The following MBP variants were observed in gnomAD, a reference collection of about 807,000 sequenced individuals.
MBP encodes Golli-MBP.
A neutral mutation model predicts 35.8 loss-of-function variants in MBP; 16 were observed. That is an observed-to-expected ratio of 0.45 (90% CI 0.30 to 0.68). The LOEUF is 0.68. Among genes scored for constraint, MBP ranks in the 30% least tolerant of loss-of-function variants. MBP has a pLI of 0.08. For synonymous variants in MBP, 143 were observed against 159.6 expected (o/e 0.90, Z 0.78); for missense variants, 380 against 404.7 (o/e 0.94, Z 0.52).
rs147717512 is a variant in MBP at position 77,000,578 on chromosome 18, G to A, written c.577-10518C>T. The stretch of plus-strand genomic sequence containing the variant: ...TTTCCATTAGGCTGTTTGATTGCAT[G>A]ATTTTTGAAGAATTATTTTCCTCAA... On this transcript the variant is annotated intron_variant, in intron 4 of 8. Transcript: ENST00000355994. 6.9e-3 allele frequency among the ~76,000 whole-genome samples: 1,053 copies of A among 152,322 alleles called. 6 individuals are homozygous for A. Among genetic ancestry groups the A allele is most frequent in the Non-Finnish European group, 0.012 (804 of 68,026 alleles).
At chr18:77,019,029 TGTTCATCCATCCATCCATCC>T (rs1363614846) in intron 3 of MBP, among the ~76,000 whole-genome samples, 1 of 100,724 alleles carries the variant, frequency 9.9e-6, no homozygotes, top group Non-Finnish European at 1.9e-5. Context: ...TTTACCTACC[TGTTCATCCATCCATCCATCC>T]ATCCATCCAT....
At chr18:77,115,931 C>G (rs1976646754) in intron 1 of MBP, among the ~76,000 whole-genome samples, 1 of 151,358 alleles carries the variant, frequency 6.6e-6, no homozygotes, top group African/African-American at 2.4e-5. Flanking sequence ...TGTGGTCCCT[C>G]AGAAGACCTG....
At chr18:77,042,221 T>TG (rs1025643239) in intron 3 of MBP, among the ~76,000 whole-genome samples, 5 of 152,166 alleles carry the variant, frequency 3.3e-5, no homozygotes, top group African/African-American at 9.7e-5. Flanking sequence ...GGAAGTGGCA[T>TG]GCTCTCTTAT....
At chr18:77,095,079 A>G (rs868437686) in intron 2 of MBP, among the ~76,000 whole-genome samples, 1 of 152,196 alleles carries the variant, frequency 6.6e-6, no homozygotes, top group Admixed American at 6.5e-5. Context: ...AGATCGTCTA[A>G]TATTCTGCTA....
At chr18:77,040,787 G>A (rs1044589844) in intron 3 of MBP, among the ~76,000 whole-genome samples, 3 of 152,224 alleles carry the variant, frequency 2.0e-5, no homozygotes, top group African/African-American at 7.2e-5. Context: ...AATTCAAGAT[G>A]GATTAAAGAC....
intron 4 of MBP, chr18:77,005,617 TG>T (rs1193569794): frequency 2.0e-5 from 3 of 152,252 alleles, no homozygotes; most frequent in African/African-American, 7.2e-5. Context: ...CATTTCCTTC[TG>T]AGAATGGTGG....
At chr18:77,007,570 C>G (rs1422728487) in intron 4 of MBP, among the ~76,000 whole-genome samples, 1 of 152,242 alleles carries the variant, frequency 6.6e-6, no homozygotes, top group Non-Finnish European at 1.5e-5. Context: ...CCTGCCCAGG[C>G]TTTAGTTTCA....
intron 3 of MBP, among the ~76,000 whole-genome samples, chr18:77,053,984 C>T (rs1429329301): frequency 2.0e-5 from 3 of 152,228 alleles, no homozygotes; most frequent in Non-Finnish European, 4.4e-5. Context: ...TTCCTCTTGG[C>T]CCCCTCCTCG....
intron 1 of MBP, among the ~76,000 whole-genome samples, chr18:77,122,435 G>C (rs545682470): frequency 6.6e-6 from 1 of 152,328 alleles, no homozygotes; most frequent in South Asian, 2.1e-4. Context: ...CTCTCAGATG[G>C]GCAAGCTGGG....
intron 4 of MBP, among the ~76,000 whole-genome samples, chr18:76,992,492 C>T (rs553861463): frequency 2.9e-4 from 44 of 152,244 alleles, no homozygotes; most frequent in African/African-American, 1.0e-3. Flanking sequence ...CTTCTTTAAA[C>T]GTTTCTTGCC....
intron 3 of MBP, among the ~76,000 whole-genome samples, chr18:77,049,315 A>G (rs1973387873): frequency 6.6e-6 from 1 of 152,202 alleles, no homozygotes; most frequent in Non-Finnish European, 1.5e-5. Context: ...TTGTAGAATA[A>G]GTTTTATTTC....
intron 2 of MBP, among the ~76,000 whole-genome samples, chr18:77,069,704 C>T (rs1974353877): frequency 6.6e-6 from 1 of 152,188 alleles, no homozygotes; most frequent in Non-Finnish European, 1.5e-5. Flanking sequence ...TATCCACTTC[C>T]CAGGCTGGTT....
intron 3 of MBP, among the ~76,000 whole-genome samples, chr18:77,055,059 AG>A (rs541560980): frequency 6.6e-6 from 1 of 152,320 alleles, no homozygotes; most frequent in East Asian, 1.9e-4. Context: ...TTGCTCTGGG[AG>A]GCCCCGCAGT....
intron 2 of MBP, among the ~76,000 whole-genome samples, chr18:77,096,924 G>A (rs1482409118): frequency 1.3e-5 from 2 of 152,220 alleles, no homozygotes; most frequent in South Asian, 2.1e-4. Context: ...TCATCTTCCA[G>A]TTCATTCGCC....
chr18:77,118,843 G>A (rs1467619348), intron 1 of MBP, among the ~76,000 whole-genome samples: 2 of 127,332 alleles, frequency 1.6e-5, no homozygotes, highest in East Asian at 4.7e-4. Context: ...AGACACTACA[G>A]ACACACACCA....
At chr18:77,028,141 T>G (rs1972301644) in intron 3 of MBP, among the ~76,000 whole-genome samples, 1 of 148,162 alleles carries the variant, frequency 6.7e-6, no homozygotes, top group African/African-American at 2.5e-5. Flanking sequence ...CCTGCGGCCT[T>G]CCGCAGTGTT....
At chr18:77,105,091 C>T in intron 2 of MBP, 120 bp downstream of exon 2, 2 of 655,624 alleles carry the variant, frequency 3.1e-6, no homozygotes, top group Non-Finnish European at 2.7e-6. Context: ...AGGCTTCCAC[C>T]CAGCTGTCAG....
At chr18:77,068,113 T>C (rs1373558539) in intron 2 of MBP, among the ~76,000 whole-genome samples, 1 of 152,120 alleles carries the variant, frequency 6.6e-6, no homozygotes, top group Non-Finnish European at 1.5e-5. Context: ...CACCAACCAA[T>C]GTTTACGGCA....
rs1377376698 is a variant in MBP at position 77,020,117 on chromosome 18, G to A, written c.140-2849C>T. On this transcript the variant is annotated intron_variant, in intron 3 of 8. Transcript: ENST00000355994. This position sits in a 1 kb window ranked among gnomAD's most constrained non-coding sequence, Gnocchi z 4.1. ...GGGAAGATTCTAGTGGACGGCCTCTGTGGAGGGATATGATGGAGATGGTGG... is the reference window on the plus strand; with the variant it reads ...GGGAAGATTCTAGTGGACGGCCTCTATGGAGGGATATGATGGAGATGGTGG... Among the ~76,000 whole-genome samples, 2 of 152,170 alleles carry A rather than the reference G, an allele frequency of 1.3e-5. No homozygotes were observed. Among genetic ancestry groups the A allele is most frequent in the African/African-American group, 4.8e-5 (2 of 41,436 alleles).
Sources: allele counts gnomAD v4.1 joint callset (sites outside exome capture counted in the v4.1 genomes callset), GRCh38; gene constraint gnomAD v4.1.1; non-coding constraint Gnocchi (gnomAD v3.1); transcripts MANE v1.5; gene names NCBI Gene and HGNC (gene_info 2026-07-23, HGNC 2026-07-21).